Variants in GALNT13 observed in about 807,000 individuals in gnomAD.
The protein encoded by GALNT13 is UDP-GalNAc:polypeptide N-acetylgalactosaminyltransferase 13.
GALNT13 carries 28 observed loss-of-function variants against 64.2 expected under a neutral mutation model. That is an observed-to-expected ratio of 0.44 (90% CI 0.32 to 0.60). GALNT13 has a LOEUF of 0.60. Among genes scored for constraint, GALNT13 ranks in the 20% least tolerant of loss-of-function variants. GALNT13 has a pLI of 0.05. For missense variants in GALNT13, 577 were observed against 669.8 expected (o/e 0.86, Z 1.53); for synonymous variants, 214 against 224.6 (o/e 0.95, Z 0.42).
chr2:154,397,443 A>T (rs978964059), intron 10 of GALNT13, among the ~76,000 whole-genome samples: 7 of 152,206 alleles, frequency 4.6e-5, no homozygotes, highest in African/African-American at 1.7e-4. Flanking sequence ...CAACGACAAC[A>T]AAAATAAAAG....
At chr2:153,116,806 T>TTC in the GALNT13 span, among the ~76,000 whole-genome samples, 1 of 137,900 alleles carries the variant, frequency 7.3e-6, no homozygotes, top group East Asian at 2.1e-4. Context: ...TTTTTTTTTT[T>TTC]TTTTTTTTTT....
the GALNT13 span, among the ~76,000 whole-genome samples, chr2:153,507,525 A>G: frequency 6.6e-6 from 1 of 152,052 alleles, no homozygotes; most frequent in African/African-American, 2.4e-5. Flanking sequence ...GTGATCCACT[A>G]GCCTCGGCCT....
chr2:153,253,362 T>C, the GALNT13 span, among the ~76,000 whole-genome samples: 4 of 124,536 alleles, frequency 3.2e-5, no homozygotes, highest in East Asian at 8.0e-4. Context: ...CTTAAGGAGA[T>C]TTTGGGCTGA....
chr2:154,063,263 T>C (rs1173054333), intron 3 of GALNT13, among the ~76,000 whole-genome samples: 1 of 152,176 alleles, frequency 6.6e-6, no homozygotes, highest in African/African-American at 2.4e-5. Flanking sequence ...GTATAGCCAG[T>C]GTTATAACCA....
chr2:154,157,213 A>T (rs1173089672), intron 4 of GALNT13, among the ~76,000 whole-genome samples: 2 of 152,112 alleles, frequency 1.3e-5, no homozygotes, highest in East Asian at 1.9e-4. Flanking sequence ...TCACCATGGC[A>T]TCTACCCATC....
At chr2:153,193,518 G>T in the GALNT13 span, among the ~76,000 whole-genome samples, 2 of 151,756 alleles carry the variant, frequency 1.3e-5, no homozygotes, top group African/African-American at 4.8e-5. Context: ...AGTGGGTGCA[G>T]TGCACCAGCA....
At chr2:154,169,793 A>G (rs531342473) in intron 4 of GALNT13, among the ~76,000 whole-genome samples, 1 of 152,222 alleles carries the variant, frequency 6.6e-6, no homozygotes, top group Non-Finnish European at 1.5e-5. Flanking sequence ...GTAGCTTCAT[A>G]GCACCCACCG....
chr2:153,757,285 C>G, the GALNT13 span, among the ~76,000 whole-genome samples: 1 of 152,104 alleles, frequency 6.6e-6, no homozygotes, highest in Non-Finnish European at 1.5e-5. Context: ...CTTTCTATAG[C>G]TGGCTTATTT....
chr2:154,201,177 A>G (rs1687148750), intron 4 of GALNT13, among the ~76,000 whole-genome samples: 1 of 152,112 alleles, frequency 6.6e-6, no homozygotes, highest in African/African-American at 2.4e-5. Flanking sequence ...CATGTGTATT[A>G]ATAATGTAAT....
chr2:154,043,453 T>TATAC (rs1289433903), intron 3 of GALNT13, among the ~76,000 whole-genome samples: 1 of 93,780 alleles, frequency 1.1e-5, no homozygotes, highest in African/African-American at 5.0e-5. Flanking sequence ...TATATATATA[T>TATAC]ATACACACAT....
intron 9 of GALNT13, among the ~76,000 whole-genome samples, chr2:154,386,149 C>G (rs2105341801): frequency 6.6e-6 from 1 of 151,938 alleles, no homozygotes; most frequent in East Asian, 1.9e-4. Context: ...ATTCAATCAC[C>G]AAGACGATGA....
At chr2:153,396,947 A>G in the GALNT13 span, among the ~76,000 whole-genome samples, 2 of 152,152 alleles carry the variant, frequency 1.3e-5, no homozygotes, top group Non-Finnish European at 2.9e-5. Flanking sequence ...TGTTTCCAAC[A>G]AGGACATGTG....
chr2:153,955,780 G>C (rs905319958), intron 3 of GALNT13, among the ~76,000 whole-genome samples: 2 of 152,160 alleles, frequency 1.3e-5, no homozygotes, highest in African/African-American at 4.8e-5. Flanking sequence ...TGGGGTTACA[G>C]CTCTGTGACT....
chr2:154,115,238 T>C (rs1291506878), intron 3 of GALNT13, among the ~76,000 whole-genome samples: 1 of 152,202 alleles, frequency 6.6e-6, no homozygotes, highest in Admixed American at 6.5e-5. Context: ...CATATTTTAA[T>C]CCATATTTTA....
At chr2:154,400,984 G>A (rs1181840288) in intron 10 of GALNT13, among the ~76,000 whole-genome samples, 1 of 152,068 alleles carries the variant, frequency 6.6e-6, no homozygotes, top group Non-Finnish European at 1.5e-5. Flanking sequence ...GGCAAATGAA[G>A]GAGATGAGGA....
intron 3 of GALNT13, among the ~76,000 whole-genome samples, chr2:154,097,003 T>A (rs1702104407): frequency 1.6e-5 from 1 of 63,278 alleles, no homozygotes; most frequent in Admixed American, 1.1e-4. Context: ...AATAAGAAAA[T>A]AAGTAAGTAA....
intron 3 of GALNT13, among the ~76,000 whole-genome samples, chr2:154,050,248 C>T (rs920214440): frequency 6.6e-6 from 1 of 152,110 alleles, no homozygotes; most frequent in Non-Finnish European, 1.5e-5. Flanking sequence ...GTGGATGTAC[C>T]TTCTAACATC....
At chr2:153,284,924 T>TACATACATATGTACATACAC in the GALNT13 span, among the ~76,000 whole-genome samples, 1 of 151,196 alleles carries the variant, frequency 6.6e-6, no homozygotes, top group Admixed American at 6.6e-5. Flanking sequence ...TGTGTTCTTA[T>TACATACATATGTACATACAC]ACATACATAT....
Position 154,048,331 on chromosome 2 carries a change from G to A in GALNT13, c.143-92006G>A, listed in dbSNP as rs1519214. 0.057 allele frequency among the ~76,000 whole-genome samples: 8,629 copies of A among 152,122 alleles called. 1,165 individuals carry two copies. In the East Asian group the frequency reaches 0.61, roughly 11 times the overall value. ...ACAATTCTGTATGAGACTTGGTGGG[G>A]ACTCTGAACAAAACCATATCACCAG... On this transcript the variant is annotated intron_variant, in intron 3 of 12. Transcript: ENST00000392825.
Sources: allele counts gnomAD v4.1 joint callset (sites outside exome capture counted in the v4.1 genomes callset), GRCh38; gene constraint gnomAD v4.1.1; transcripts MANE v1.5; gene names NCBI Gene and HGNC (gene_info 2026-07-23, HGNC 2026-07-21).